PDZRN3: variants seen among roughly 807,000 people sequenced by gnomAD.
The protein encoded by PDZRN3 is E3 ubiquitin-protein ligase PDZRN3.
Under a neutral mutation model 85.7 loss-of-function variants are expected in PDZRN3, and 38 were observed. The ratio of observed to expected loss-of-function variants is 0.44; its 90% confidence interval spans 0.34 to 0.58. PDZRN3 has a LOEUF of 0.58. Ranked by LOEUF, PDZRN3 falls within the 20% of genes least tolerant of loss-of-function variation. The probability of loss-of-function intolerance (pLI) is 0.01; values close to 1 mark genes in which losing one functional copy is unlikely to be tolerated. For synonymous variants in PDZRN3, 759 were observed against 638.0 expected (o/e 1.19, Z -2.86); for missense variants, 1,629 against 1,506.4 (o/e 1.08, Z -1.35).
intron 3 of PDZRN3, among the ~76,000 whole-genome samples, chr3:73,468,228 A>T (rs1448872540): frequency 6.6e-6 from 1 of 152,166 alleles, no homozygotes; most frequent in African/African-American, 2.4e-5. Context: ...GGAAATGGGA[A>T]GCGACCATGA....
At chr3:73,471,940 C>T (rs1011483162) in intron 3 of PDZRN3, among the ~76,000 whole-genome samples, 5 of 152,212 alleles carry the variant, frequency 3.3e-5, no homozygotes, top group Non-Finnish European at 5.9e-5. Context: ...TGTTCACACT[C>T]ACCTGAAATG....
At chr3:73,442,499 A>C (rs964722021) in intron 3 of PDZRN3, among the ~76,000 whole-genome samples, 2 of 152,196 alleles carry the variant, frequency 1.3e-5, no homozygotes, top group African/African-American at 4.8e-5. Context: ...ATTCAGAAAA[A>C]TGACTAGAAT....
At position 73,388,039 on chromosome 3, in the gene PDZRN3, C is replaced by G; in HGVS notation, c.1447G>C (p.Glu483Gln). 7.0e-7 allele frequency: 1 copy of G among 1,438,782 alleles called. No individual in the cohort carries two copies. The highest frequency in any genetic ancestry group is 9.5e-7 in the Non-Finnish European group (1 of 1,050,742). The allele number at this position is 1,438,782 out of a possible 1,614,324, so 89.1% of individuals were successfully genotyped here. The change falls in exon 8 of 10, where the codon GAG becomes CAG. Residue 483 changes from glutamate (E) to glutamine (Q), a missense_variant. Glu to Gln is a conservative substitution (Grantham distance 29, BLOSUM62 2). Coordinates refer to ENST00000263666, the MANE Select transcript of PDZRN3 (RefSeq NM_015009.3). ...TCACTGGTTAGAAGAGCCACAGCCT[C>G]TTCACGGTTCTGCACCTCTATCCCA... is the stretch of plus-strand genomic sequence containing the variant. ...INGIEVQNREEAVALLTSEEN... is the reference protein window; with the variant it reads ...INGIEVQNREQAVALLTSEEN...
intron 3 of PDZRN3, among the ~76,000 whole-genome samples, chr3:73,531,977 C>T (rs1469593734): frequency 6.6e-6 from 1 of 152,202 alleles, no homozygotes; most frequent in East Asian, 1.9e-4. Flanking sequence ...GTAAAAGTCT[C>T]CCAATTTTGA....
intron 1 of PDZRN3, among the ~76,000 whole-genome samples, chr3:73,621,115 G>A (rs541046252): frequency 1.3e-5 from 2 of 152,214 alleles, no homozygotes; most frequent in African/African-American, 4.8e-5. Context: ...ATCTCTAGGG[G>A]TGAGACTGAG....
At chr3:73,436,332 T>A (rs1030582268) in intron 3 of PDZRN3, among the ~76,000 whole-genome samples, 4 of 152,124 alleles carry the variant, frequency 2.6e-5, no homozygotes, top group Non-Finnish European at 5.9e-5. Context: ...CAGGAAAACA[T>A]ACTCACTGCA....
intron 3 of PDZRN3, among the ~76,000 whole-genome samples, chr3:73,488,671 G>A (rs1250916635): frequency 6.6e-6 from 1 of 152,202 alleles, no homozygotes; most frequent in East Asian, 1.9e-4. Context: ...GTAAGGGGAG[G>A]CATCTTCCTA....
chr3:73,552,052 C>A (rs1701573290), intron 3 of PDZRN3, among the ~76,000 whole-genome samples: 1 of 152,146 alleles, frequency 6.6e-6, no homozygotes, highest in African/African-American at 2.4e-5. Context: ...TCTTTGTGGA[C>A]AGTCCTAAGT....
At chr3:73,478,651 G>A (rs774620384) in intron 3 of PDZRN3, among the ~76,000 whole-genome samples, 12 of 152,112 alleles carry the variant, frequency 7.9e-5, no homozygotes, top group Non-Finnish European at 1.5e-4. Context: ...CGCCCAGTCC[G>A]TGGAAAAACT....
intron 3 of PDZRN3, among the ~76,000 whole-genome samples, chr3:73,488,606 T>C (rs4677290): frequency 0.73 from 111,195 of 152,084 alleles, 41,611 homozygotes; most frequent in African/African-American, 0.9. Flanking sequence ...CCTTTCTTTG[T>C]CCTGACCTCT....
At chr3:73,546,367 G>A (rs1701423240) in intron 3 of PDZRN3, among the ~76,000 whole-genome samples, 4 of 152,190 alleles carry the variant, frequency 2.6e-5, no homozygotes, top group African/African-American at 4.8e-5. Context: ...TCAAATGATC[G>A]TCACTGTCTA....
chr3:73,586,868 C>T (rs778162465), intron 3 of PDZRN3, among the ~76,000 whole-genome samples: 7 of 152,310 alleles, frequency 4.6e-5, no homozygotes, highest in South Asian at 2.1e-4. Flanking sequence ...ATGATGCAAA[C>T]GACCACCAGT....
chr3:73,386,808 G>T (rs1389910630), intron 8 of PDZRN3, among the ~76,000 whole-genome samples: 2 of 152,296 alleles, frequency 1.3e-5, no homozygotes, highest in East Asian at 3.9e-4. Flanking sequence ...TTGAGCTCAT[G>T]AGGCTCCCAT....
At chr3:73,519,663 G>A (rs1704318507) in intron 3 of PDZRN3, among the ~76,000 whole-genome samples, 1 of 152,194 alleles carries the variant, frequency 6.6e-6, no homozygotes, top group Non-Finnish European at 1.5e-5. Context: ...TGAGTAAAGA[G>A]TCGTAACAGA....
intron 3 of PDZRN3, among the ~76,000 whole-genome samples, chr3:73,582,998 C>T (rs1373738291): frequency 1.3e-5 from 2 of 152,130 alleles, no homozygotes; most frequent in Non-Finnish European, 2.9e-5. Context: ...TGCCTGAGCT[C>T]ATTGTGTATG....
intron 1 of PDZRN3, among the ~76,000 whole-genome samples, chr3:73,615,380 C>T (rs190507226): frequency 3.2e-4 from 48 of 152,288 alleles, no homozygotes; most frequent in African/African-American, 9.4e-4. Context: ...ACCAACAAAC[C>T]TTTAAGGTGT....
chr3:73,573,678 C>T lies in PDZRN3; in HGVS notation c.918+28676G>A, dbSNP rs28671057. Reference sequence around the variant, plus strand: ...TAATACCTCAGTTGTAAAAGGTGAGCGTCAGAGATGGTTTTCATTTTTCCC... The same window carrying T: ...TAATACCTCAGTTGTAAAAGGTGAGTGTCAGAGATGGTTTTCATTTTTCCC... On this transcript the variant is annotated intron_variant, in intron 3 of 9. Transcript: ENST00000263666. 7.7e-3 allele frequency among the ~76,000 whole-genome samples: 1,172 copies of T among 152,206 alleles called. 16 individuals carry two copies. The highest frequency in any genetic ancestry group is 0.027 in the African/African-American group (1,123 of 41,530).
intron 3 of PDZRN3, among the ~76,000 whole-genome samples, chr3:73,447,110 T>G (rs2106833715): frequency 6.7e-6 from 1 of 149,130 alleles, no homozygotes; most frequent in South Asian, 2.1e-4. Flanking sequence ...AGATCTAATA[T>G]ATATAATTTT....
At chr3:73,607,875 G>A (rs1702626308) in intron 2 of PDZRN3, among the ~76,000 whole-genome samples, 2 of 152,064 alleles carry the variant, frequency 1.3e-5, no homozygotes, top group African/African-American at 2.4e-5. Flanking sequence ...AAAGATTTTT[G>A]TTTTCTTTTC....
Sources: allele counts gnomAD v4.1 joint callset (sites outside exome capture counted in the v4.1 genomes callset), GRCh38; gene constraint gnomAD v4.1.1; transcripts MANE v1.5; gene names NCBI Gene and HGNC (gene_info 2026-07-23, HGNC 2026-07-21).